The following GAB2 variants were observed in gnomAD, a reference collection of about 807,000 sequenced individuals.
GAB2 encodes GRB2-associated-binding protein 2.
A neutral mutation model predicts 65.5 loss-of-function variants in GAB2; 26 were observed. That is an observed-to-expected ratio of 0.40 (90% confidence interval 0.29 to 0.55). The LOEUF is 0.55. Among genes scored for constraint, GAB2 ranks in the 20% least tolerant of loss-of-function variants. The probability of loss-of-function intolerance (pLI) is 0.53; values close to 1 mark genes in which losing one functional copy is unlikely to be tolerated. For synonymous variants in GAB2, 321 were observed against 329.6 expected (o/e 0.97, Z 0.28); for missense variants, 884 against 875.8 (o/e 1.01, Z -0.12).
chr11:78,224,639 G>C (rs1483188711), intron 5 of GAB2, among the ~76,000 whole-genome samples: 1 of 152,086 alleles, frequency 6.6e-6, no homozygotes, highest in African/African-American at 2.4e-5. Context: ...TGGTCTTCTT[G>C]CCTGACACCT....
chr11:78,344,178 A>G (rs149254361), intron 1 of GAB2, among the ~76,000 whole-genome samples: 32 of 152,350 alleles, frequency 2.1e-4, no homozygotes, highest in African/African-American at 7.7e-4. Context: ...GGCATGTGAG[A>G]AAGATTTAAC....
At chr11:78,264,443 C>T (rs532628931) in intron 2 of GAB2, among the ~76,000 whole-genome samples, 14 of 151,786 alleles carry the variant, frequency 9.2e-5, no homozygotes, top group African/African-American at 3.4e-4. Context: ...TCTTTTTGCC[C>T]AGGCTGGAGT....
chr11:78,414,087 CAAAA>C (rs34915163), intron 1 of GAB2, among the ~76,000 whole-genome samples: 2 of 83,288 alleles, frequency 2.4e-5, no homozygotes, highest in Non-Finnish European at 5.1e-5. Context: ...AACTCTGTCT[CAAAA>C]AAAAAAAAAA....
chr11:78,365,283 T>G (rs1395054902), intron 1 of GAB2, among the ~76,000 whole-genome samples: 1 of 152,170 alleles, frequency 6.6e-6, no homozygotes, highest in Non-Finnish European at 1.5e-5. Context: ...GCCAGTCCAT[T>G]TCAGAAAGTT....
intron 5 of GAB2, among the ~76,000 whole-genome samples, chr11:78,224,454 A>G (rs1409594618): frequency 2.6e-5 from 4 of 152,014 alleles, no homozygotes; most frequent in African/African-American, 9.7e-5. Flanking sequence ...CCTGGGGCTC[A>G]CTCCAGGCAC....
rs145521023 is a variant in GAB2 at position 78,263,162 on chromosome 11, A to C, written c.377-12762T>G. ...TCACCAAGGATACAGATTTAAGCTAAAACTGAAACCATCGAATCCCAAATT... is the reference window on the plus strand; with the variant it reads ...TCACCAAGGATACAGATTTAAGCTACAACTGAAACCATCGAATCCCAAATT... On this transcript the variant is annotated intron_variant, in intron 2 of 9. Coordinates refer to ENST00000361507, the MANE Select transcript of GAB2 (RefSeq NM_080491.3). 1.9e-4 allele frequency among the ~76,000 whole-genome samples: 29 copies of C among 152,370 alleles called. No homozygotes were observed. In the East Asian group the frequency reaches 3.7e-3, roughly 19 times the overall value.
At chr11:78,355,352 T>C (rs1186704109) in intron 1 of GAB2, among the ~76,000 whole-genome samples, 1 of 152,110 alleles carries the variant, frequency 6.6e-6, no homozygotes, top group East Asian at 1.9e-4. Flanking sequence ...TAACCTTCTG[T>C]TATCAAAAAA....
chr11:78,258,919 T>C (rs886305587), intron 2 of GAB2, among the ~76,000 whole-genome samples: 3 of 152,204 alleles, frequency 2.0e-5, no homozygotes, highest in Admixed American at 1.3e-4. Flanking sequence ...ATGTTTGTTA[T>C]GTAGGTAAAC....
At chr11:78,380,711 G>A (rs1044168867) in intron 1 of GAB2, among the ~76,000 whole-genome samples, 3 of 152,056 alleles carry the variant, frequency 2.0e-5, no homozygotes, top group African/African-American at 7.3e-5. Flanking sequence ...GGAGCCTTGG[G>A]AGGAATGTGG....
chr11:78,371,546 C>T (rs1386011552), intron 1 of GAB2, among the ~76,000 whole-genome samples: 2 of 152,196 alleles, frequency 1.3e-5, no homozygotes, highest in Admixed American at 6.5e-5. Flanking sequence ...TCACGTTATA[C>T]TGCTAACATC....
At chr11:78,302,480 C>T (rs189920296) in intron 1 of GAB2, among the ~76,000 whole-genome samples, 10 of 151,852 alleles carry the variant, frequency 6.6e-5, no homozygotes, top group East Asian at 5.8e-4. Context: ...AACCACAAAG[C>T]GATACCACCT....
At chr11:78,397,200 C>A (rs565092063) in intron 1 of GAB2, among the ~76,000 whole-genome samples, 1 of 152,120 alleles carries the variant, frequency 6.6e-6, no homozygotes, top group South Asian at 2.1e-4. Flanking sequence ...ACAAAAAAAA[C>A]CCAAAACCAA....
chr11:78,241,598 CA>C (rs1332126841), intron 3 of GAB2, among the ~76,000 whole-genome samples: 2 of 143,606 alleles, frequency 1.4e-5, no homozygotes, highest in Non-Finnish European at 3.0e-5. Flanking sequence ...CAAAAAAATT[CA>C]AAAAAGAGAA....
chr11:78,336,495 T>A (rs75175606), intron 1 of GAB2, among the ~76,000 whole-genome samples: 1 of 148,792 alleles, frequency 6.7e-6, no homozygotes, highest in Admixed American at 6.7e-5. Flanking sequence ...TTTTTTTTTT[T>A]GGTGAAGTCT....
At chr11:78,297,803 ATAT>A (rs1444447601) in intron 1 of GAB2, among the ~76,000 whole-genome samples, 3 of 152,208 alleles carry the variant, frequency 2.0e-5, no homozygotes, top group Admixed American at 6.5e-5. Flanking sequence ...TATTATTCAC[ATAT>A]TATTTATATT....
Position 78,225,136 on chromosome 11 carries a change from G to A in GAB2, c.1274C>T (p.Ser425Phe). ...GGESAGRSAE[S>F]MSDGVGSFLP... The stretch of plus-strand genomic sequence containing the variant: ...GAAAGAGCCAACTCCATCACTCATG[G>A]ATTCAGCAGACCGGCCTGCACTCTC... The change falls in exon 5 of 10, where the codon TCC becomes TTC. Residue 425 changes from serine to phenylalanine, a missense_variant. Ser to Phe is a radical substitution (Grantham distance 155). Coordinates refer to ENST00000361507, the MANE Select transcript of GAB2 (RefSeq NM_080491.3). 1 of 1,613,306 alleles carries A rather than the reference G, an allele frequency of 6.2e-7. No homozygotes were observed. Among genetic ancestry groups the A allele is most frequent in the Non-Finnish European group, 8.5e-7 (1 of 1,179,272 alleles).
At chr11:78,377,846 A>G (rs1276209352) in intron 1 of GAB2, among the ~76,000 whole-genome samples, 2 of 152,172 alleles carry the variant, frequency 1.3e-5, no homozygotes, top group Non-Finnish European at 2.9e-5. Flanking sequence ...CCTGCCAGAG[A>G]TAAGGAGGAT....
chr11:78,311,971 G>A (rs116592797), intron 1 of GAB2, among the ~76,000 whole-genome samples: 1,620 of 152,190 alleles, frequency 0.011, 29 homozygotes, highest in African/African-American at 0.037. Flanking sequence ...ATGCCGTCCA[G>A]GGCTGGCTGT....
At chr11:78,401,003 C>T (rs1350536315) in intron 1 of GAB2, among the ~76,000 whole-genome samples, 2 of 150,772 alleles carry the variant, frequency 1.3e-5, no homozygotes, top group African/African-American at 4.9e-5. Context: ...CCTTACATGT[C>T]ACTGAGAGAA....
Sources: allele counts gnomAD v4.1 joint callset (sites outside exome capture counted in the v4.1 genomes callset), GRCh38; gene constraint gnomAD v4.1.1; transcripts MANE v1.5; gene names NCBI Gene and HGNC (gene_info 2026-07-23, HGNC 2026-07-21).